SCFD2: variants seen among roughly 807,000 people sequenced by gnomAD.
The protein encoded by SCFD2 is sec1 family domain containing 2.
SCFD2 carries 54 observed loss-of-function variants against 58.9 expected under a neutral mutation model. The ratio of observed to expected loss-of-function variants is 0.92; its 90% CI spans 0.74 to 1.15. The LOEUF is 1.15. SCFD2 is among the 50% of genes most tolerant of loss of function. SCFD2 has a pLI of 0.00. For missense variants in SCFD2, 805 were observed against 836.6 expected (o/e 0.96, Z 0.47); for synonymous variants, 321 against 335.9 (o/e 0.96, Z 0.49).
intron 5 of SCFD2, among the ~76,000 whole-genome samples, chr4:53,111,117 G>A (rs1183291682): frequency 1.1e-4 from 16 of 151,820 alleles, no homozygotes; most frequent in East Asian, 1.9e-4. Flanking sequence ...GTTCTCAGTC[G>A]TAAGTGGGAA....
chr4:53,047,390 G>A (rs1263703677), intron 5 of SCFD2, among the ~76,000 whole-genome samples: 1 of 152,222 alleles, frequency 6.6e-6, no homozygotes, highest in East Asian at 1.9e-4. Flanking sequence ...CGAGGTGGCA[G>A]TGAGCCATGA....
intron 4 of SCFD2, among the ~76,000 whole-genome samples, chr4:53,190,335 C>T (rs1387844562): frequency 6.6e-6 from 1 of 152,128 alleles, no homozygotes; most frequent in Non-Finnish European, 1.5e-5. Flanking sequence ...TGTTTGACCT[C>T]GGCTGTTCTC....
intron 3 of SCFD2, among the ~76,000 whole-genome samples, chr4:53,301,757 T>A (rs1311674015): frequency 6.6e-6 from 1 of 152,142 alleles, no homozygotes; most frequent in Non-Finnish European, 1.5e-5. Flanking sequence ...TCCACCATGA[T>A]CAAGTGGGCT....
chr4:52,888,329 T>G (rs115230861), intron 7 of SCFD2, among the ~76,000 whole-genome samples: 1 of 152,120 alleles, frequency 6.6e-6, no homozygotes, highest in African/African-American at 2.4e-5. Context: ...TGGGGGACTA[T>G]CTAATGACCT....
chr4:53,024,755 A>G (rs1722430629), intron 5 of SCFD2, among the ~76,000 whole-genome samples: 1 of 145,958 alleles, frequency 6.9e-6, no homozygotes, highest in Non-Finnish European at 1.5e-5. Flanking sequence ...CAGCTAACCC[A>G]TGGGATGACG....
At chr4:53,206,978 G>C (rs1728424081) in intron 4 of SCFD2, among the ~76,000 whole-genome samples, 1 of 152,000 alleles carries the variant, frequency 6.6e-6, no homozygotes, top group African/African-American at 2.4e-5. Flanking sequence ...AGAAGTCCAA[G>C]AGCATGGTTC....
intron 2 of SCFD2, among the ~76,000 whole-genome samples, chr4:53,330,113 G>GTATT (rs1733384707): frequency 6.6e-6 from 1 of 152,134 alleles, no homozygotes. Flanking sequence ...CCAAATCTAC[G>GTATT]TCTGATTGCT....
intron 5 of SCFD2, among the ~76,000 whole-genome samples, chr4:52,991,341 T>C (rs1721608830): frequency 6.6e-6 from 1 of 152,208 alleles, no homozygotes; most frequent in African/African-American, 2.4e-5. Flanking sequence ...GTCAAAGTTT[T>C]AATGACAGTA....
intron 5 of SCFD2, 85 bp from the exon 6 acceptor site, chr4:52,920,955 G>A: frequency 1.4e-6 from 1 of 712,206 alleles, no homozygotes; most frequent in Non-Finnish European, 2.1e-6. Context: ...AATGTAGTTG[G>A]GAGGTTTTTT....
intron 4 of SCFD2, among the ~76,000 whole-genome samples, chr4:53,219,102 G>A (rs1329645454): frequency 2.6e-5 from 4 of 152,212 alleles, no homozygotes; most frequent in Admixed American, 1.3e-4. Context: ...CACTGGAGGA[G>A]GCAGTCTGTC....
intron 4 of SCFD2, among the ~76,000 whole-genome samples, chr4:53,149,050 T>C (rs1302927083): frequency 2.6e-5 from 4 of 152,194 alleles, no homozygotes; most frequent in African/African-American, 4.8e-5. Context: ...TGGATACAGA[T>C]GGACAAATCC....
intron 7 of SCFD2, among the ~76,000 whole-genome samples, chr4:52,905,460 C>T (rs992049252): frequency 6.6e-5 from 10 of 152,228 alleles, no homozygotes; most frequent in African/African-American, 2.4e-4. Flanking sequence ...CACCAGAACT[C>T]TCCCCCACCC....
intron 2 of SCFD2, among the ~76,000 whole-genome samples, chr4:53,325,202 C>G (rs1733151594): frequency 6.7e-6 from 1 of 150,364 alleles, no homozygotes; most frequent in African/African-American, 2.5e-5. Flanking sequence ...CGCGTGCGCG[C>G]ACGCTTACAT....
At chr4:53,256,378 A>G (rs1252198897) in intron 4 of SCFD2, among the ~76,000 whole-genome samples, 7 of 151,388 alleles carry the variant, frequency 4.6e-5, no homozygotes, top group Non-Finnish European at 7.4e-5. Context: ...GCGGCCGGGC[A>G]GAGACGCTCC....
chr4:53,338,575 C>CTTTTTTTTTTTTTTTATTTTTTTTTTT (rs1733753573), intron 2 of SCFD2, among the ~76,000 whole-genome samples: 1 of 72,296 alleles, frequency 1.4e-5, no homozygotes, highest in Non-Finnish European at 2.5e-5. Flanking sequence ...GTATATTTTT[C>CTTTTTTTTTTTTTTTATTTTTTTTTTT]TTTTTTTTTT....
At chr4:53,096,921 C>T (rs1177129493) in intron 5 of SCFD2, among the ~76,000 whole-genome samples, 1 of 152,118 alleles carries the variant, frequency 6.6e-6, no homozygotes, top group Non-Finnish European at 1.5e-5. Context: ...CCAGTTTCAG[C>T]TTTCTACATA....
intron 5 of SCFD2, among the ~76,000 whole-genome samples, chr4:53,127,706 T>TA (rs1166375772): frequency 4.6e-5 from 7 of 151,980 alleles, no homozygotes; most frequent in Non-Finnish European, 2.9e-5. Flanking sequence ...TCTCAGGCAG[T>TA]ATAATATATT....
intron 5 of SCFD2, among the ~76,000 whole-genome samples, chr4:53,093,628 C>G (rs1405461483): frequency 6.6e-6 from 1 of 152,064 alleles, no homozygotes; most frequent in African/African-American, 2.4e-5. Flanking sequence ...CAACAGAATA[C>G]CACGCAACCA....
intron 4 of SCFD2, among the ~76,000 whole-genome samples, chr4:53,224,428 C>T (rs531296237): frequency 6.6e-6 from 1 of 151,450 alleles, no homozygotes; most frequent in East Asian, 1.9e-4. Context: ...TCTGCCAGTT[C>T]CCGCAGAACA....
Sources: allele counts gnomAD v4.1 joint callset (sites outside exome capture counted in the v4.1 genomes callset), GRCh38; gene constraint gnomAD v4.1.1; transcripts MANE v1.5; gene names NCBI Gene and HGNC (gene_info 2026-07-23, HGNC 2026-07-21).